NAV1: variants seen among roughly 807,000 people sequenced by gnomAD.
The protein encoded by NAV1 is pore membrane and/or filament interacting like protein 3.
In NAV1, 18 loss-of-function variants were observed where a neutral mutation model predicts 175.2. The observed-to-expected ratio is 0.10, with a 90% CI of 0.07 to 0.15. The LOEUF (loss-of-function observed/expected upper bound fraction) is 0.15, where lower values mean the gene tolerates loss of function less well. Among genes scored for constraint, NAV1 ranks in the 10% least tolerant of loss-of-function variants. The pLI is 1.00. For missense variants in NAV1, 1,731 were observed against 2,436.6 expected (o/e 0.71, Z 6.10); for synonymous variants, 897 against 978.7 (o/e 0.92, Z 1.56).
chr1:201,645,825 A>C (rs543079016), upstream of NAV1, among the ~76,000 whole-genome samples: 3 of 152,390 alleles, frequency 2.0e-5, no homozygotes, highest in South Asian at 6.2e-4. Flanking sequence ...CTGGTAAGTC[A>C]GAGAATAGGT....
At position 201,816,815 on chromosome 1, in the gene NAV1, C is replaced by T. The variant is rs574257086; in HGVS notation, c.5341-273C>T. The T allele has an allele frequency of 1.2e-4, 46 of 383,222 alleles. No individual in the cohort carries two copies. In the Admixed American group the frequency reaches 1.6e-3, roughly 13 times the overall value. The allele number at this position is 383,222 out of a possible 1,614,324, so 23.7% of individuals were successfully genotyped here. On this transcript the variant is annotated intron_variant, in intron 28 of 29. Transcript: ENST00000367296. ...TAGGTAGGATTATATAGGCACGCAC[C>T]GCCATGCATGGCTAATTTTTTTTTT...
intron 10 of NAV1, among the ~76,000 whole-genome samples, chr1:201,789,169 C>T (rs1676952262): frequency 6.6e-6 from 1 of 152,068 alleles, no homozygotes; most frequent in African/African-American, 2.4e-5. Flanking sequence ...GGCAGGTTAG[C>T]TCTCCCATTA....
Position 201,753,634 on chromosome 1 carries a change from T to G in NAV1, c.1227-26787T>G, listed in dbSNP as rs567646591. On this transcript the variant is annotated intron_variant, in intron 3 of 29. Coordinates refer to ENST00000367296, the Ensembl canonical transcript of NAV1. ...CTAGGATAAATGTTTTCCACAGAAA[T>G]GACAAGGCTTCAGGCTCTCAAGAAG... Among the ~76,000 whole-genome samples, 4 of 152,300 alleles carry G rather than the reference T, an allele frequency of 2.6e-5. 1 individual carries two copies. The South Asian group carries it at 8.3e-4, about 32-fold the overall frequency.
At chr1:201,773,578 A>G (rs1276863158) in intron 3 of NAV1, among the ~76,000 whole-genome samples, 1 of 152,214 alleles carries the variant, frequency 6.6e-6, no homozygotes, top group Non-Finnish European at 1.5e-5. Context: ...ATTTGAAAGG[A>G]AAGTGGTAAT....
intron 3 of NAV1, among the ~76,000 whole-genome samples, chr1:201,726,094 C>T (rs1463057822): frequency 6.6e-6 from 1 of 152,186 alleles, no homozygotes; most frequent in African/African-American, 2.4e-5. Context: ...AATTAGAATG[C>T]TGACTCCAGA....
chr1:201,545,909 G>A (rs530518021), intron 1 of NAV1, among the ~76,000 whole-genome samples: 4 of 152,304 alleles, frequency 2.6e-5, no homozygotes, highest in Admixed American at 2.0e-4. Flanking sequence ...TAGACTTCAA[G>A]CATAGCATAG....
chr1:201,643,707 C>G (rs1437255351), upstream of NAV1, among the ~76,000 whole-genome samples: 1 of 152,144 alleles, frequency 6.6e-6, no homozygotes, highest in Non-Finnish European at 1.5e-5. Context: ...GCCACCAAGC[C>G]AGGCCCCAAG....
chr1:201,710,157 TC>T (rs1306998987), intron 1 of NAV1, among the ~76,000 whole-genome samples: 2 of 57,968 alleles, frequency 3.5e-5, no homozygotes, highest in African/African-American at 1.2e-4. Flanking sequence ...TAAACATTTT[TC>T]CTTAAAAAAA....
chr1:201,772,497 G>A (rs1675652386), intron 3 of NAV1, among the ~76,000 whole-genome samples: 1 of 152,186 alleles, frequency 6.6e-6, no homozygotes, highest in Admixed American at 6.5e-5. Flanking sequence ...GGAGTGGGAT[G>A]GGAGTGGAGA....
At chr1:201,804,578 CTAAA>C in intron 17 of NAV1, 81 bp downstream of exon 21, 2 of 814,124 alleles carry the variant, frequency 2.5e-6, no homozygotes, top group Admixed American at 3.4e-5. Context: ...CTCCCTTCCC[CTAAA>C]AAAAAAAAAA....
chr1:201,661,001 T>C (rs888495886), intron 1 of NAV1, among the ~76,000 whole-genome samples: 5 of 152,208 alleles, frequency 3.3e-5, no homozygotes, highest in African/African-American at 1.2e-4. Context: ...TGTTGACTTG[T>C]TGACACTGTT....
Position 201,788,602 on chromosome 1 carries a change from A to G in NAV1, c.3130A>G (p.Ile1044Val). The G allele has an allele frequency of 6.2e-7, 1 of 1,614,056 alleles. No individual in the cohort carries two copies. The highest frequency in any genetic ancestry group is 1.3e-5 in the African/African-American group (1 of 75,028). Reference sequence around the variant, plus strand: ...CCTGGCCGAGAGACCCAAGGGAATGATTCGGTCAGGATCCTTCCGAGACCC... The same window carrying G: ...CCTGGCCGAGAGACCCAAGGGAATGGTTCGGTCAGGATCCTTCCGAGACCC... Residue 1044 changes from isoleucine (I) to valine (V), a missense_variant, in exon 10 of 30, where the codon ATT becomes GTT. Around this residue, in one of 13 missense-constraint regions of NAV1, gnomAD observed 85 missense variants for 168.7 expected, o/e 0.50. Transcript: ENST00000367296. This position sits in a 1 kb window ranked among gnomAD's most constrained non-coding sequence, Gnocchi z 5.7.
Position 201,732,697 on chromosome 1 carries a change from A to T in NAV1, c.1226+13942A>T, listed in dbSNP as rs562656072. On this transcript the variant is annotated intron_variant, in intron 3 of 29. Transcript: ENST00000367296. ...TGATATTTGCTCATACATTCCACAA[A>T]CACTTGTAGACCACTTAATATATAC... Among the ~76,000 whole-genome samples the T allele has an allele frequency of 3.3e-5, 5 of 152,372 alleles. No individual in the cohort carries two copies. The South Asian group carries it at 1.0e-3, about 32-fold the overall frequency.
chr1:201,598,178 A>G (rs1297440993), intron 2 of NAV1, among the ~76,000 whole-genome samples: 2 of 152,238 alleles, frequency 1.3e-5, no homozygotes, highest in African/African-American at 2.4e-5. Context: ...AGAAGGTCAG[A>G]GAGGCCTTCC....
chr1:201,799,814 C>T (rs1305048354), intron 15 of NAV1, among the ~76,000 whole-genome samples: 3 of 150,194 alleles, frequency 2.0e-5, no homozygotes, highest in Non-Finnish European at 4.4e-5. Flanking sequence ...GAGGCGAGAT[C>T]GCGCCATTAC....
intron 1 of NAV1, among the ~76,000 whole-genome samples, chr1:201,697,677 C>T (rs1671247026): frequency 6.6e-6 from 1 of 152,222 alleles, no homozygotes; most frequent in Non-Finnish European, 1.5e-5. Context: ...TGCAGCAGGG[C>T]TGTCTATACT....
chr1:201,702,662 G>GGT lies in NAV1; in HGVS notation c.758-10154_758-10153dup, dbSNP rs575216701. On this transcript the variant is annotated intron_variant, in intron 1 of 29. Coordinates refer to ENST00000367296, the Ensembl canonical transcript of NAV1. ...TGTACATTTTAAAAGGGTGAATTTT[G>GGT]GTATGTGAATTCTCTCTCTCTCTCT... Among the ~76,000 whole-genome samples, 686 of 124,864 alleles carry GGT rather than the reference G, an allele frequency of 5.5e-3. 14 individuals are homozygous for GGT. The highest frequency in any genetic ancestry group is 8.4e-3 in the Non-Finnish European group (513 of 61,094). The allele number at this position is 124,864 out of a possible 152,430, so 81.9% of individuals were successfully genotyped here.
intron 3 of NAV1, among the ~76,000 whole-genome samples, chr1:201,779,159 G>A (rs779106756): frequency 2.6e-5 from 4 of 152,154 alleles, no homozygotes; most frequent in Non-Finnish European, 5.9e-5. Context: ...GACAGAATTC[G>A]AGCTTAGAAA....
chr1:201,585,149 A>C (rs1666987064), intron 1 of NAV1, among the ~76,000 whole-genome samples: 1 of 152,170 alleles, frequency 6.6e-6, no homozygotes, highest in Non-Finnish European at 1.5e-5. Flanking sequence ...CTCATCCCTG[A>C]AGTCAGGCAC....
Sources: allele counts gnomAD v4.1 joint callset (sites outside exome capture counted in the v4.1 genomes callset), GRCh38; gene constraint gnomAD v4.1.1; regional missense constraint gnomAD v4.1.1; non-coding constraint Gnocchi (gnomAD v3.1); transcripts MANE v1.5; gene names NCBI Gene and HGNC (gene_info 2026-07-23, HGNC 2026-07-21).